PSTPIP1: variants seen among roughly 807,000 people sequenced by gnomAD.
PSTPIP1 encodes proline-serine-threonine phosphatase-interacting protein 1.
Under a neutral mutation model 69.6 loss-of-function variants are expected in PSTPIP1, and 66 were observed. The ratio of observed to expected loss-of-function variants is 0.95; its 90% confidence interval spans 0.78 to 1.16. The LOEUF is 1.16. Ranked by LOEUF, PSTPIP1 falls within the 50% of genes most tolerant of loss-of-function variation. PSTPIP1 has a pLI of 0.00. For synonymous variants in PSTPIP1, 266 were observed against 222.7 expected, an observed-to-expected ratio of 1.19 and a Z score of -1.73; for missense variants, 603 against 557.4, an observed-to-expected ratio of 1.08 and a Z score of -0.82.
chr15:77,031,073 C>A, intron 9 of PSTPIP1, 107 bp from the exon 10 acceptor site: 2 of 1,095,880 alleles, frequency 1.8e-6, no homozygotes, highest in South Asian at 1.3e-5. Context: ...GGGCTTCCAG[C>A]AGAGAGGGCT....
At chr15:77,032,829 G>A (rs939345232) in intron 11 of PSTPIP1, 33 bp from the exon 12 acceptor site, 12 of 1,533,272 alleles carry the variant, frequency 7.8e-6, no homozygotes, top group Admixed American at 2.0e-5. Flanking sequence ...GGTGTTGGGG[G>A]CCGCCCTGGG....
chr15:76,994,965 C>A, upstream of PSTPIP1: 1 of 1,217,080 alleles, frequency 8.2e-7, no homozygotes, highest in Non-Finnish European at 1.1e-6. Flanking sequence ...CTCAAGCTCC[C>A]TTAGCATATG....
rs1050609779 is a variant in PSTPIP1, at chr15:77,027,550, G to A, written c.355-302G>A. On this transcript the variant is annotated intron_variant, in intron 5 of 14. Coordinates refer to ENST00000558012, the MANE Select transcript of PSTPIP1 (RefSeq NM_003978.5). This position sits in a 1 kb window ranked among gnomAD's most constrained non-coding sequence, Gnocchi z 4.3. ...GTGATGCCTGCAGAGGCTCAGGGAT[G>A]CAGGATGAACGACTGTGTGCGCACG... Among the ~76,000 whole-genome samples the A allele has an allele frequency of 6.6e-6, 1 of 152,208 alleles. No individual in the cohort carries two copies. The highest frequency in any genetic ancestry group is 1.5e-5 in the Non-Finnish European group (1 of 68,044).
In PSTPIP1 at chr15:77,037,417, G is replaced by A; in HGVS notation, c.*241G>A. The A allele has an allele frequency of 2.3e-6, 1 of 433,084 alleles. No individual in the cohort carries two copies. The highest frequency in any genetic ancestry group is 4.1e-6 in the Non-Finnish European group (1 of 244,392). The allele number at this position is 433,084 out of a possible 1,614,324, so 26.8% of individuals were successfully genotyped here. A position where few individuals can be genotyped will look rare whatever the true frequency, so the allele number is the denominator to read the frequency against. ...CAGAGGAGGCAAAGGAACAAGGGAA[G>A]GAGCCTGGATGTGGAGCTCCCCAAC... is the stretch of plus-strand genomic sequence containing the variant. On this transcript the variant is annotated 3_prime_UTR_variant, in exon 15 of 15. Transcript: ENST00000558012.
chr15:77,021,941 G>A (rs1422113140), intron 3 of PSTPIP1, among the ~76,000 whole-genome samples: 1 of 152,204 alleles, frequency 6.6e-6, no homozygotes, highest in African/African-American at 2.4e-5. Context: ...CATGCCCCCA[G>A]AAGCTGCACA....
At position 76,995,559 on chromosome 15, in the gene PSTPIP1, G is replaced by T. The variant is rs375877680; in HGVS notation, c.-15G>T. On this transcript the variant is annotated 5_prime_UTR_variant, in exon 1 of 15. Coordinates refer to ENST00000558012, the MANE Select transcript of PSTPIP1 (RefSeq NM_003978.5). ...GTGGCAGGAGAGTGAGCTTTGCCGCGGCAGACGCCTGAGGATGATGCCCCA... is the reference window on the plus strand; with the variant it reads ...GTGGCAGGAGAGTGAGCTTTGCCGCTGCAGACGCCTGAGGATGATGCCCCA... 20 of 1,613,720 alleles carry T rather than the reference G, an allele frequency of 1.2e-5. No homozygotes were observed. Among genetic ancestry groups the T allele is most frequent in the Non-Finnish European group, 1.7e-5 (20 of 1,179,876 alleles).
intron 1 of PSTPIP1, among the ~76,000 whole-genome samples, chr15:77,005,104 C>T (rs1482416935): frequency 6.6e-6 from 1 of 152,146 alleles, no homozygotes; most frequent in Non-Finnish European, 1.5e-5. Context: ...CCATTGCTGG[C>T]CAAGCATGGT....
chr15:76,998,820 C>T (rs2075636495), intron 1 of PSTPIP1, among the ~76,000 whole-genome samples: 1 of 152,146 alleles, frequency 6.6e-6, no homozygotes, highest in South Asian at 2.1e-4. Context: ...CTGATTTTAG[C>T]TGCAGCCGAG....
chr15:77,003,403 C>A (rs1454853480), intron 1 of PSTPIP1, among the ~76,000 whole-genome samples: 1 of 152,188 alleles, frequency 6.6e-6, no homozygotes, highest in Non-Finnish European at 1.5e-5. Flanking sequence ...AGAAGGAAAT[C>A]GGCTTCTTGG....
chr15:77,036,078 G>A (rs1008343248), intron 14 of PSTPIP1, 143 bp downstream of exon 14: 2 of 1,142,466 alleles, frequency 1.8e-6, no homozygotes, highest in Non-Finnish European at 1.2e-6. Flanking sequence ...GAGGGCACGT[G>A]TGCCCGAGTG....
intron 1 of PSTPIP1, among the ~76,000 whole-genome samples, chr15:77,009,040 G>A (rs186215971): frequency 1.3e-5 from 2 of 152,140 alleles, no homozygotes; most frequent in African/African-American, 4.8e-5. Context: ...TCAACTCTCT[G>A]AGCCTTGGTT....
chr15:77,030,821 G>A (rs1004487117), intron 9 of PSTPIP1, among the ~76,000 whole-genome samples: 6 of 152,234 alleles, frequency 3.9e-5, no homozygotes, highest in Non-Finnish European at 5.9e-5. Context: ...CTTTGTTGAA[G>A]CCAAAACTGG....
chr15:77,031,989 G>A (rs1236719265), intron 10 of PSTPIP1, among the ~76,000 whole-genome samples: 1 of 152,232 alleles, frequency 6.6e-6, no homozygotes, highest in African/African-American at 2.4e-5. Context: ...GCCTGGCTGT[G>A]CTGCATTCTC....
chr15:77,035,443 C>T (rs2076536449), intron 12 of PSTPIP1, 65 bp from the exon 13 acceptor site: 12 of 1,500,590 alleles, frequency 8.0e-6, no homozygotes, highest in Admixed American at 5.9e-5. Flanking sequence ...TGTCTAAACC[C>T]TCCCTCCTGG....
chr15:77,035,778 G>A (rs1320004949), intron 13 of PSTPIP1, 24 bp from the exon 14 acceptor site: 3 of 1,598,758 alleles, frequency 1.9e-6, no homozygotes, highest in South Asian at 1.1e-5. Flanking sequence ...AAGGGGAGGG[G>A]TCTATGTCTC....
chr15:76,995,023 G>T, upstream of PSTPIP1: 1 of 1,191,622 alleles, frequency 8.4e-7, no homozygotes, highest in Non-Finnish European at 1.1e-6. Context: ...GCAAGCAGAG[G>T]CAGGAGCAGG....
chr15:77,011,399 G>C lies in PSTPIP1; in HGVS notation c.37-6749G>C, dbSNP rs192967258. On this transcript the variant is annotated intron_variant, in intron 1 of 14. Coordinates refer to ENST00000558012, the MANE Select transcript of PSTPIP1 (RefSeq NM_003978.5). ...AGTGGAGCCCAGCCCAGGCATCTCT[G>C]GGACTCGGCCAGCTGGGCTGCTCAG... 5.3e-5 allele frequency among the ~76,000 whole-genome samples: 8 copies of C among 152,328 alleles called. No homozygotes were observed. The East Asian group carries it at 1.5e-3, about 29-fold the overall frequency.
chr15:77,003,424 C>A (rs543867889), intron 1 of PSTPIP1, among the ~76,000 whole-genome samples: 1 of 152,104 alleles, frequency 6.6e-6, no homozygotes, highest in South Asian at 2.1e-4. Flanking sequence ...GAGGCCGAGG[C>A]GGGTGGATCA....
At chr15:77,022,649 G>A (rs977214548) in intron 3 of PSTPIP1, among the ~76,000 whole-genome samples, 4 of 152,230 alleles carry the variant, frequency 2.6e-5, no homozygotes, top group Admixed American at 2.0e-4. Flanking sequence ...CACTTTGGGG[G>A]TTCTGGGGCA....
Sources: allele counts gnomAD v4.1 joint callset (sites outside exome capture counted in the v4.1 genomes callset), GRCh38; gene constraint gnomAD v4.1.1; non-coding constraint Gnocchi (gnomAD v3.1); transcripts MANE v1.5; gene names NCBI Gene and HGNC (gene_info 2026-07-23, HGNC 2026-07-21).